INTS11: variants seen among roughly 807,000 people sequenced by gnomAD.
INTS11 encodes the protein integrator complex subunit 11.
A neutral mutation model predicts 78.6 loss-of-function variants in INTS11; 77 were observed. The ratio of observed to expected loss-of-function variants is 0.98; its 90% CI spans 0.81 to 1.18. INTS11 has a LOEUF of 1.18. INTS11 is among the 50% of genes most tolerant of loss of function. INTS11 has a pLI of 0.00. For missense variants in INTS11, 875 were observed against 825.9 expected (o/e 1.06, Z -0.73); for synonymous variants, 441 against 326.9 (o/e 1.35, Z -3.77).
rs1570731376 is a variant in INTS11, at chr1:1,318,834, T to C, written c.429+462A>G. On this transcript the variant is annotated intron_variant, in intron 4 of 16. Coordinates refer to ENST00000435064, the MANE Select transcript of INTS11 (RefSeq NM_017871.6). ...CCCATAATCTTTGTCAGAAATGGAA[T>C]TTCACCTGTCACTCGCTGATTTAAC... 1.1e-5 allele frequency: 7 copies of C among 614,374 alleles called. No homozygotes were observed. In the East Asian group the frequency reaches 2.0e-4, roughly 17 times the overall value. 38.1% of individuals were successfully genotyped at this position (614,374 alleles called of 1,614,324 possible).
At chr1:1,319,739 A>G (rs1327372106) in intron 3 of INTS11, 4 of 569,806 alleles carry the variant, frequency 7.0e-6, no homozygotes, top group Non-Finnish European at 1.2e-5. Context: ...GAAATTGAAC[A>G]CGTCGGTGAC....
At chr1:1,323,153 G>T (rs557962718) in intron 1 of INTS11, 4 of 1,548,946 alleles carry the variant, frequency 2.6e-6, no homozygotes, top group Non-Finnish European at 3.5e-6. Context: ...ACACCGGGGC[G>T]GGGGGCACCC....
rs780135771 is a variant in INTS11 at position 1,314,779 on chromosome 1, C to G, written c.702+45G>C. The stretch of plus-strand genomic sequence containing the variant: ...CAGCCAAGCCTGCCAGAAAGACCAG[C>G]CCAGCATGGCCGAGGGCCCATGTCC... On this transcript the variant is annotated intron_variant, in intron 7 of 16. Transcript: ENST00000435064. This position sits in a 1 kb window ranked among gnomAD's most constrained non-coding sequence, Gnocchi z 4.2. The G allele has an allele frequency of 6.9e-6, 11 of 1,584,844 alleles. No individual in the cohort carries two copies. In the East Asian group the frequency reaches 2.5e-4, roughly 36 times the overall value.
rs781307432 is a variant in INTS11 at position 1,312,776 on chromosome 1, C to T, written c.1294+11G>A. 2.0e-5 allele frequency: 32 copies of T among 1,602,922 alleles called. No homozygotes were observed. The highest frequency in any genetic ancestry group is 1.8e-4 in the East Asian group (8 of 44,632). ...CGAGGTGGGCCCCACGCCGCCCGCCCGGCTGCCTACGGAGCTCCTGCTCGA... is the reference window on the plus strand; with the variant it reads ...CGAGGTGGGCCCCACGCCGCCCGCCTGGCTGCCTACGGAGCTCCTGCTCGA... On this transcript the variant is annotated intron_variant, in intron 12 of 16. Coordinates refer to ENST00000435064, the MANE Select transcript of INTS11 (RefSeq NM_017871.6).
Position 1,317,391 on chromosome 1 carries a change from A to G in INTS11, c.430-1773T>C, listed in dbSNP as rs563580272. On this transcript the variant is annotated intron_variant, in intron 4 of 16. Transcript: ENST00000435064. Reference sequence around the variant, plus strand: ...GCCTGGGCAATGAGAGCGAAACTCCATCTCAAAAAAAAAAGAAAAAAAAAA... The same window carrying G: ...GCCTGGGCAATGAGAGCGAAACTCCGTCTCAAAAAAAAAAGAAAAAAAAAA... 240 of 781,496 alleles carry G rather than the reference A, an allele frequency of 3.1e-4. 1 individual carries two copies. The African/African-American group carries it at 3.8e-3, about 12-fold the overall frequency. 48.4% of individuals were successfully genotyped at this position (781,496 alleles called of 1,614,324 possible). A position where few individuals can be genotyped will look rare whatever the true frequency, so the allele number is the denominator to read the frequency against.
At position 1,312,213 on chromosome 1, in the gene INTS11, G is replaced by GCCCCGCCCCCCCC; in HGVS notation, c.1607+12_1607+13insGGGGGGGGCGGGG. On this transcript the variant is annotated intron_variant, in intron 15 of 16. Transcript: ENST00000435064. The stretch of plus-strand genomic sequence containing the variant: ...CCCAAGGGAGTGGGGGGGGGGCGGG[G>GCCCCGCCCCCCCC]CCGGGCGCCCACCTCTTGAGGTGGC... 1 of 934,618 alleles carries GCCCCGCCCCCCCC rather than the reference G, an allele frequency of 1.1e-6. No individual in the cohort carries two copies. Among genetic ancestry groups the GCCCCGCCCCCCCC allele is most frequent in the Admixed American group, 2.4e-5 (1 of 41,576 alleles). 57.9% of individuals were successfully genotyped at this position (934,618 alleles called of 1,614,324 possible). A position where few individuals can be genotyped will look rare whatever the true frequency, so the allele number is the denominator to read the frequency against.
chr1:1,318,277 C>T (rs1642734219), intron 4 of INTS11, among the ~76,000 whole-genome samples: 1 of 151,882 alleles, frequency 6.6e-6, no homozygotes, highest in African/African-American at 2.4e-5. Flanking sequence ...GCAGGAAGCC[C>T]AACAAAAAGG....
chr1:1,323,146 C>T, intron 1 of INTS11: 1 of 1,549,018 alleles, frequency 6.5e-7, no homozygotes, highest in Non-Finnish European at 8.7e-7. Flanking sequence ...AGTGTCCACA[C>T]CGGGGCGGGG....
In INTS11 at chr1:1,312,592, C is replaced by T; in HGVS notation, c.1402+1G>A. The T allele has an allele frequency of 6.4e-7, 1 of 1,573,526 alleles. No homozygotes were observed. ...TGCCCTGCCCTGCCCAGCCCGCATA[C>T]CCTGCGCCATCTCCCGCTTCAGCAG... On this transcript the variant is annotated splice_donor_variant, in intron 13 of 16. Coordinates refer to ENST00000435064, the MANE Select transcript of INTS11 (RefSeq NM_017871.6). LOFTEE classifies it high-confidence loss of function.
chr1:1,312,857 C>T lies in INTS11; in HGVS notation c.1224G>A (p.Glu408=), dbSNP rs1257995055. 2 of 1,612,310 alleles carry T rather than the reference C, an allele frequency of 1.2e-6. No homozygotes were observed. ...CCTCGCCATGCACCAGCAGCACGCT[C>T]TCCGGCTCTGCCTGGCCCACCAGCT... ...IMQLVGQAEP[E]SVLLVHGEAK... The change falls in exon 12 of 17, where the codon GAG becomes GAA. Residue 408 remains glutamate, a synonymous_variant. Transcript: ENST00000435064.
Position 1,315,633 on chromosome 1 carries a change from G to A in INTS11, c.430-15C>T. The stretch of plus-strand genomic sequence containing the variant: ...TCATCATCTACCTGTGGAGGACAGG[G>A]CTGCGCTCAGGCTGTGTCCTCACAG... On this transcript the variant is annotated splice_polypyrimidine_tract_variant and intron_variant, in intron 4 of 16. Coordinates refer to ENST00000435064, the MANE Select transcript of INTS11 (RefSeq NM_017871.6). 6.2e-7 allele frequency: 1 copy of A among 1,600,104 alleles called. No individual in the cohort carries two copies. Among genetic ancestry groups the A allele is most frequent in the Non-Finnish European group, 8.5e-7 (1 of 1,171,644 alleles).
chr1:1,324,084 GA>G (rs1643157358), intron 1 of INTS11, among the ~76,000 whole-genome samples: 1 of 105,208 alleles, frequency 9.5e-6, no homozygotes, highest in South Asian at 3.8e-4. Flanking sequence ...GAGGGGCTGG[GA>G]GGCTGAGAGG....
intron 1 of INTS11, among the ~76,000 whole-genome samples, chr1:1,323,806 G>GT (rs1163730072): frequency 1.5e-5 from 2 of 132,444 alleles, no homozygotes; most frequent in Non-Finnish European, 3.2e-5. Context: ...AGAGTTGATT[G>GT]TAACTCGGGC....
In INTS11 at chr1:1,324,645, T is replaced by C. The variant is rs1196404502; in HGVS notation, c.-37A>G. Reference sequence around the variant, plus strand: ...CGCTCCCGGACCCGCGAGGCCCGCCTGCGGTGATGCACTGCGCAGGCGCAA... The same window carrying C: ...CGCTCCCGGACCCGCGAGGCCCGCCCGCGGTGATGCACTGCGCAGGCGCAA... On this transcript the variant is annotated 5_prime_UTR_variant, in exon 1 of 17. Coordinates refer to ENST00000435064, the MANE Select transcript of INTS11 (RefSeq NM_017871.6). 1.9e-6 allele frequency: 3 copies of C among 1,597,576 alleles called. No homozygotes were observed. The highest frequency in any genetic ancestry group is 2.2e-5 in the South Asian group (2 of 89,218).
chr1:1,318,939 TGCCCGGCAACACCCCGGGA>T (rs754242395), intron 4 of INTS11: 1 of 717,198 alleles, frequency 1.4e-6, no homozygotes, highest in South Asian at 1.5e-5. Context: ...CCTGCCTCCC[TGCCCGGCAACACCCCGGGA>T]GCTCCAGCGA....
At chr1:1,323,405 T>C in intron 1 of INTS11, 2 of 1,186,190 alleles carry the variant, frequency 1.7e-6, no homozygotes, top group Non-Finnish European at 2.3e-6. Context: ...TCTATACTGT[T>C]ACGACTTTGA....
Position 1,314,157 on chromosome 1 carries a change from G to T in INTS11, c.767+144C>A. ...GACGGGATGTCACAGGCTTCCTGGG[G>T]TCACACAGCACACGAGCGGCCCCCC... On this transcript the variant is annotated intron_variant, in intron 8 of 16. Transcript: ENST00000435064. The surrounding 1 kb of genome is among the most constrained non-coding windows in gnomAD (Gnocchi z 4.2). 1.2e-6 allele frequency: 1 copy of T among 860,964 alleles called. No individual in the cohort carries two copies. The highest frequency in any genetic ancestry group is 1.9e-6 in the Non-Finnish European group (1 of 528,924). The allele number at this position is 860,964 out of a possible 1,614,324, so 53.3% of individuals were successfully genotyped here.
intron 1 of INTS11, chr1:1,323,407 C>CG: frequency 8.6e-7 from 1 of 1,162,484 alleles, no homozygotes; most frequent in Non-Finnish European, 1.2e-6. Context: ...TATACTGTTA[C>CG]GACTTTGACT....
At chr1:1,321,973 C>T in intron 1 of INTS11, 3 of 1,382,354 alleles carry the variant, frequency 2.2e-6, no homozygotes, top group Non-Finnish European at 2.8e-6. Context: ...GGGGCCACAG[C>T]CGAGGGGCTG....
Sources: allele counts gnomAD v4.1 joint callset (sites outside exome capture counted in the v4.1 genomes callset), GRCh38; gene constraint gnomAD v4.1.1; non-coding constraint Gnocchi (gnomAD v3.1); transcripts MANE v1.5; gene names NCBI Gene and HGNC (gene_info 2026-07-23, HGNC 2026-07-21).